Variants in OCA2 observed in about 807,000 individuals in gnomAD.
OCA2 encodes the protein P protein.
Under a neutral mutation model 100.2 loss-of-function variants are expected in OCA2, and 77 were observed. The ratio of observed to expected loss-of-function variants is 0.77; its 90% CI spans 0.64 to 0.93. OCA2 has a LOEUF of 0.93. Ranked by LOEUF, OCA2 falls within the 40% of genes least tolerant of loss-of-function variation. The pLI, the probability that OCA2 is intolerant of heterozygous loss-of-function variation, is 0.00. For missense variants in OCA2, 1,062 were observed against 1,089.1 expected (o/e 0.98, Z 0.35); for synonymous variants, 432 against 439.2 (o/e 0.98, Z 0.21).
In OCA2 at chr15:27,831,284, C is replaced by CAAAA. The variant is rs71132824; in HGVS notation, c.2432+13671_2432+13674dup. 2.5e-3 allele frequency among the ~76,000 whole-genome samples: 156 copies of CAAAA among 62,618 alleles called. 9 individuals are homozygous for CAAAA. The highest frequency in any genetic ancestry group is 7.6e-3 in the South Asian group (7 of 926). The allele number at this position is 62,618 out of a possible 152,430, so 41.1% of individuals were successfully genotyped here. On this transcript the variant is annotated intron_variant, in intron 23 of 23. Transcript: ENST00000354638. ...CTGGTGACAGAGCGAGACTCCGTCT[C>CAAAA]AAAAAAAAAAAAAAAAAAAAAATCG... is the stretch of plus-strand genomic sequence containing the variant.
rs917818836 is a variant in OCA2, at chr15:27,814,072, A to G, written c.2432+30887T>C. On this transcript the variant is annotated intron_variant, in intron 23 of 23. Coordinates refer to ENST00000354638, the MANE Select transcript of OCA2 (RefSeq NM_000275.3). ...TTCGAATTATTCTCTGAAATATACA[A>G]TTATTCTTTGAAACATACAATCAAT... Among the ~76,000 whole-genome samples, 8 of 152,312 alleles carry G rather than the reference A, an allele frequency of 5.3e-5. No homozygotes were observed. The East Asian group carries it at 1.2e-3, about 22-fold the overall frequency.
chr15:27,728,643 T>G, the OCA2 span, among the ~76,000 whole-genome samples: 1 of 152,196 alleles, frequency 6.6e-6, no homozygotes, highest in Non-Finnish European at 1.5e-5. Context: ...CCATCTCTAC[T>G]TTTCCTTTGC....
intron 1 of OCA2, among the ~76,000 whole-genome samples, chr15:28,090,926 A>G (rs1224972529): frequency 6.6e-6 from 1 of 152,206 alleles, no homozygotes; most frequent in Non-Finnish European, 1.5e-5. Flanking sequence ...GAAAATATCA[A>G]TGGAATTAAC....
At chr15:27,862,477 A>ATT (rs57715276) in intron 21 of OCA2, among the ~76,000 whole-genome samples, 8,933 of 145,248 alleles carry the variant, frequency 0.062, 310 homozygotes, top group South Asian at 0.072. Context: ...CTCCTCAGAC[A>ATT]TTTTTTTTTT....
intron 19 of OCA2, among the ~76,000 whole-genome samples, chr15:27,888,312 G>T (rs191034667): frequency 2.0e-5 from 3 of 152,264 alleles, no homozygotes; most frequent in Non-Finnish European, 4.4e-5. Context: ...AACTTAAACA[G>T]GTTGACTGCC....
At chr15:27,905,916 C>T (rs2594909) in intron 19 of OCA2, among the ~76,000 whole-genome samples, 96,327 of 152,012 alleles carry the variant, frequency 0.63, 31,144 homozygotes, top group East Asian at 0.96. Flanking sequence ...GCCATGCCCA[C>T]GCCTCAAGCA....
intron 23 of OCA2, among the ~76,000 whole-genome samples, chr15:27,800,847 A>T (rs2151172436): frequency 6.6e-6 from 1 of 151,846 alleles, no homozygotes; most frequent in East Asian, 1.9e-4. Flanking sequence ...ACATGCCTGT[A>T]GTCTCAGTTA....
intron 23 of OCA2, among the ~76,000 whole-genome samples, chr15:27,798,289 CT>C (rs1214776161): frequency 6.6e-6 from 1 of 152,034 alleles, no homozygotes; most frequent in East Asian, 1.9e-4. Context: ...TCGGTTCTGC[CT>C]AAGAGAGGTG....
intron 19 of OCA2, among the ~76,000 whole-genome samples, chr15:27,877,091 C>A (rs766650083): frequency 1.1e-4 from 16 of 151,816 alleles, no homozygotes; most frequent in Admixed American, 9.2e-4. Flanking sequence ...CAACATTTTG[C>A]TTTGTAATAT....
chr15:27,824,482 C>A (rs1012524085), intron 23 of OCA2, among the ~76,000 whole-genome samples: 1 of 151,062 alleles, frequency 6.6e-6, no homozygotes, highest in Admixed American at 6.6e-5. Context: ...AAAAGGAGAT[C>A]TGCTGATATA....
the OCA2 span, among the ~76,000 whole-genome samples, chr15:27,733,688 A>G: frequency 5.3e-5 from 8 of 152,222 alleles, no homozygotes; most frequent in African/African-American, 1.2e-4. Flanking sequence ...CGTGATATGC[A>G]GTAGGTGTTC....
intron 11 of OCA2, among the ~76,000 whole-genome samples, chr15:27,988,698 A>T (rs1245657860): frequency 1.3e-5 from 2 of 152,074 alleles, no homozygotes; most frequent in Non-Finnish European, 2.9e-5. Context: ...TTCCTTTTTT[A>T]AAAAAGGCGT....
chr15:27,871,277 C>T lies in OCA2; in HGVS notation c.2140-19G>A. On this transcript the variant is annotated intron_variant, in intron 20 of 23. Transcript: ENST00000354638. ...GGACCATCTGGAAGGAGGACAATAG[C>T]AGCTGCAGTGTTCCATCGCATGCAC... 6.3e-7 allele frequency: 1 copy of T among 1,586,414 alleles called. No individual in the cohort carries two copies. The highest frequency in any genetic ancestry group is 8.7e-7 in the Non-Finnish European group (1 of 1,155,026).
chr15:28,086,669 A>C (rs903957958), intron 1 of OCA2, among the ~76,000 whole-genome samples: 1 of 152,244 alleles, frequency 6.6e-6, no homozygotes, highest in Admixed American at 6.5e-5. Context: ...ATCTGAAAAA[A>C]TATTTTTAAA....
chr15:27,887,014 G>A (rs2037250035), intron 19 of OCA2, among the ~76,000 whole-genome samples: 1 of 152,154 alleles, frequency 6.6e-6, no homozygotes, highest in South Asian at 2.1e-4. Context: ...TTTCCCAGCT[G>A]TTCTCATGAC....
At chr15:28,085,354 G>C (rs989415515) in intron 1 of OCA2, among the ~76,000 whole-genome samples, 1 of 152,130 alleles carries the variant, frequency 6.6e-6, no homozygotes, top group Non-Finnish European at 1.5e-5. Context: ...AAGCTACTCT[G>C]AGAACTTCTA....
the OCA2 span, among the ~76,000 whole-genome samples, chr15:27,749,644 A>G: frequency 7.1e-6 from 1 of 141,490 alleles, no homozygotes; most frequent in East Asian, 2.1e-4. Context: ...CAGCAAGGCC[A>G]TGGTATACAG....
intron 2 of OCA2, among the ~76,000 whole-genome samples, chr15:28,049,018 A>G (rs2043427152): frequency 6.6e-6 from 1 of 152,210 alleles, no homozygotes; most frequent in African/African-American, 2.4e-5. Flanking sequence ...AAGAGAACAA[A>G]AGACATTCTC....
intron 23 of OCA2, among the ~76,000 whole-genome samples, chr15:27,812,617 TTA>T (rs1566983557): frequency 6.6e-6 from 1 of 152,264 alleles, no homozygotes; most frequent in Non-Finnish European, 1.5e-5. Context: ...GTCATTTTAG[TTA>T]TTATTCATTC....
Sources: allele counts gnomAD v4.1 joint callset (sites outside exome capture counted in the v4.1 genomes callset), GRCh38; gene constraint gnomAD v4.1.1; transcripts MANE v1.5; gene names NCBI Gene and HGNC (gene_info 2026-07-23, HGNC 2026-07-21).